Variants in MAML2 observed in about 807,000 individuals in gnomAD.
The protein encoded by MAML2 is mastermind like transcriptional coactivator 2, also known as mastermind-like protein 2.
A neutral mutation model predicts 96.1 loss-of-function variants in MAML2; 22 were observed. That is an observed-to-expected ratio of 0.23 (90% confidence interval 0.16 to 0.33). The LOEUF (loss-of-function observed/expected upper bound fraction) is 0.33, where lower values mean the gene tolerates loss of function less well. Among genes scored for constraint, MAML2 ranks in the 10% least tolerant of loss-of-function variants. The pLI, the probability that MAML2 is intolerant of heterozygous loss-of-function variation, is 1.00. For missense variants in MAML2, 1,367 were observed against 1,392.4 expected (o/e 0.98, Z 0.29); for synonymous variants, 561 against 521.3 (o/e 1.08, Z -1.04).
chr11:96,317,126 G>A (rs1018009356), intron 1 of MAML2, among the ~76,000 whole-genome samples: 2 of 152,114 alleles, frequency 1.3e-5, no homozygotes, highest in African/African-American at 4.8e-5. Context: ...TCACTGAAAT[G>A]GTGCCTGTGG....
rs559313465 is a variant in MAML2 at position 96,146,428 on chromosome 11, C to T, written c.514-52911G>A. On this transcript the variant is annotated intron_variant, in intron 1 of 4. Coordinates refer to ENST00000524717, the MANE Select transcript of MAML2 (RefSeq NM_032427.4). ...TACAATATTGCTATTAGCAGTGAAT[C>T]GGGGAGGCAGGACAGGGGACAAACC... is the stretch of plus-strand genomic sequence containing the variant. 1.2e-4 allele frequency among the ~76,000 whole-genome samples: 18 copies of T among 152,222 alleles called. No homozygotes were observed. The South Asian group carries it at 3.3e-3, about 28-fold the overall frequency.
intron 1 of MAML2, among the ~76,000 whole-genome samples, chr11:96,179,060 G>T (rs1861441783): frequency 2.0e-5 from 3 of 152,074 alleles, no homozygotes; most frequent in Admixed American, 1.3e-4. Context: ...TTGTCTCTGG[G>T]TGATTACGTC....
chr11:96,260,017 A>C (rs1862725874), intron 1 of MAML2, among the ~76,000 whole-genome samples: 1 of 151,892 alleles, frequency 6.6e-6, no homozygotes. Context: ...CTGGGAGGAA[A>C]GGTTCCTGGA....
chr11:95,983,552 A>T (rs1483356314), intron 4 of MAML2, among the ~76,000 whole-genome samples: 1 of 152,174 alleles, frequency 6.6e-6, no homozygotes, highest in Non-Finnish European at 1.5e-5. Context: ...CAAGAAGAGG[A>T]TTTTGAACGT....
At chr11:96,321,112 C>T (rs1312582905) in intron 1 of MAML2, among the ~76,000 whole-genome samples, 1 of 152,208 alleles carries the variant, frequency 6.6e-6, no homozygotes, top group Non-Finnish European at 1.5e-5. Flanking sequence ...CATATGGCTG[C>T]CCACTGGGCT....
intron 2 of MAML2, among the ~76,000 whole-genome samples, chr11:95,998,121 T>TGTC (rs1332296910): frequency 7.2e-6 from 1 of 138,046 alleles, no homozygotes; most frequent in Non-Finnish European, 1.5e-5. Flanking sequence ...CTTTTCTATC[T>TGTC]ATCTGTCTGT....
At chr11:96,312,007 G>A (rs502949) in intron 1 of MAML2, among the ~76,000 whole-genome samples, 104,678 of 151,644 alleles carry the variant, frequency 0.69, 36,220 homozygotes, top group East Asian at 0.82. Flanking sequence ...TTGGGAGGCC[G>A]AGGCAGGTTC....
intron 1 of MAML2, among the ~76,000 whole-genome samples, chr11:96,166,665 T>C (rs541919285): frequency 2.0e-5 from 3 of 152,240 alleles, no homozygotes; most frequent in Non-Finnish European, 2.9e-5. Flanking sequence ...GGGGATGTTA[T>C]GTGTCTGTCA....
intron 1 of MAML2, among the ~76,000 whole-genome samples, chr11:96,335,888 C>T (rs896564581): frequency 6.6e-6 from 1 of 152,110 alleles, no homozygotes; most frequent in Non-Finnish European, 1.5e-5. Flanking sequence ...CACTCAGCGA[C>T]CCCAATCCCA....
At chr11:96,181,781 AGAT>A (rs879900623) in intron 1 of MAML2, among the ~76,000 whole-genome samples, 84,598 of 151,690 alleles carry the variant, frequency 0.56, 24,215 homozygotes, top group East Asian at 0.75. Flanking sequence ...CTGATACTGA[AGAT>A]ACTGAGTATG....
At chr11:96,016,144 G>C (rs1858348847) in intron 2 of MAML2, among the ~76,000 whole-genome samples, 1 of 151,724 alleles carries the variant, frequency 6.6e-6, no homozygotes, top group Non-Finnish European at 1.5e-5. Flanking sequence ...AATCCGATTG[G>C]GTCTCTGTAT....
chr11:96,074,523 GTTAATATGGAGGA>G (rs1859403084), intron 2 of MAML2, among the ~76,000 whole-genome samples: 1 of 152,202 alleles, frequency 6.6e-6, no homozygotes, highest in South Asian at 2.1e-4. Context: ...TCTTGGAGAG[GTTAATATGGAGGA>G]AAGATCCATG....
chr11:96,220,698 A>G (rs1591080027), intron 1 of MAML2, among the ~76,000 whole-genome samples: 1 of 152,168 alleles, frequency 6.6e-6, no homozygotes, highest in East Asian at 1.9e-4. Flanking sequence ...ATTATAGGTA[A>G]TAGAGTAACT....
chr11:96,087,011 G>A (rs755345884), intron 2 of MAML2, among the ~76,000 whole-genome samples: 2 of 152,140 alleles, frequency 1.3e-5, no homozygotes, highest in Non-Finnish European at 2.9e-5. Flanking sequence ...CTTAATTTAG[G>A]CAGCATAGTA....
intron 1 of MAML2, among the ~76,000 whole-genome samples, chr11:96,281,296 T>A (rs571537340): frequency 1.3e-5 from 2 of 152,032 alleles, no homozygotes; most frequent in East Asian, 3.9e-4. Flanking sequence ...GGAAGGGAAG[T>A]GGGGTCTGGT....
intron 1 of MAML2, among the ~76,000 whole-genome samples, chr11:96,215,544 G>A (rs940260813): frequency 6.6e-6 from 1 of 152,204 alleles, no homozygotes; most frequent in African/African-American, 2.4e-5. Flanking sequence ...CTTTGGGGCT[G>A]AGGAAATCCG....
At chr11:96,034,040 T>A (rs1054490562) in intron 2 of MAML2, among the ~76,000 whole-genome samples, 1 of 152,168 alleles carries the variant, frequency 6.6e-6, no homozygotes, top group African/African-American at 2.4e-5. Context: ...TGTTGGCCAA[T>A]CCTCAAATTT....
intron 2 of MAML2, among the ~76,000 whole-genome samples, chr11:96,012,425 A>C (rs11606177): frequency 0.028 from 4,319 of 152,314 alleles, 206 homozygotes; most frequent in African/African-American, 0.099. Context: ...CTACAGAGGC[A>C]GTCTGGCATA....
chr11:96,116,760 G>A (rs1481931922), intron 1 of MAML2, among the ~76,000 whole-genome samples: 1 of 152,222 alleles, frequency 6.6e-6, no homozygotes, highest in Non-Finnish European at 1.5e-5. Flanking sequence ...ATGGCGAAGA[G>A]AGTGAGGATT....
Sources: gnomAD v4.1 joint callset for allele counts (sites outside exome capture counted in the v4.1 genomes callset) on GRCh38, gnomAD v4.1.1 for gene constraint, MANE v1.5 for transcripts, NCBI Gene and HGNC (gene_info 2026-07-23, HGNC 2026-07-21) for gene names.